The following CXADR variants were observed in gnomAD, a reference collection of about 807,000 sequenced individuals.
CXADR encodes CXADR cell adhesion molecule.
CXADR carries 20 observed loss-of-function variants against 40.3 expected under a neutral mutation model. The observed-to-expected ratio is 0.50, with a 90% CI of 0.35 to 0.72. The LOEUF (loss-of-function observed/expected upper bound fraction) is 0.72. Ranked by LOEUF, CXADR falls within the 30% of genes least tolerant of loss-of-function variation. CXADR has a pLI of 0.01. For synonymous variants in CXADR, 150 were observed against 161.3 expected (o/e 0.93, Z 0.53); for missense variants, 332 against 449.1 (o/e 0.74, Z 2.36).
the CXADR span, among the ~76,000 whole-genome samples, chr21:17,624,458 C>A: frequency 6.6e-6 from 1 of 152,152 alleles, no homozygotes; most frequent in Non-Finnish European, 1.5e-5. Flanking sequence ...TCCCAGAGGA[C>A]AATCCTTGCT....
intron 1 of CXADR, among the ~76,000 whole-genome samples, chr21:17,516,288 T>C (rs187933958): frequency 3.5e-4 from 54 of 152,348 alleles, no homozygotes; most frequent in Non-Finnish European, 6.9e-4. Flanking sequence ...CACACTATGC[T>C]CTTCTGTCCC....
intron 7 of CXADR, among the ~76,000 whole-genome samples, chr21:17,590,753 A>G (rs763548262): frequency 1.7e-4 from 26 of 152,068 alleles, no homozygotes; most frequent in Admixed American, 9.8e-4. Context: ...AGTAAGAAAA[A>G]AAAGTTAAAG....
intron 4 of CXADR, 34 bp downstream of exon 4, chr21:17,559,165 A>G (rs779031012): frequency 6.2e-7 from 1 of 1,609,460 alleles, no homozygotes. Context: ...ACCACATGCC[A>G]TTGATTTGGA....
the CXADR span, among the ~76,000 whole-genome samples, chr21:17,600,337 GTAATT>G: frequency 1.3e-5 from 2 of 152,120 alleles, no homozygotes; most frequent in African/African-American, 2.4e-5. Context: ...AGTTAGAAAT[GTAATT>G]AAAGTGATTC....
intron 7 of CXADR, among the ~76,000 whole-genome samples, chr21:17,590,397 A>AT (rs1422666739): frequency 6.6e-6 from 1 of 152,078 alleles, no homozygotes; most frequent in Non-Finnish European, 1.5e-5. Context: ...TTTTGTCCTT[A>AT]TGTTACCCTT....
chr21:17,628,684 G>A, the CXADR span, among the ~76,000 whole-genome samples: 10 of 152,244 alleles, frequency 6.6e-5, no homozygotes, highest in South Asian at 8.3e-4. Flanking sequence ...TGTATTTTTA[G>A]TAGAGATGGT....
intron 1 of CXADR, among the ~76,000 whole-genome samples, chr21:17,539,418 C>T (rs945545379): frequency 1.3e-5 from 2 of 152,196 alleles, no homozygotes; most frequent in African/African-American, 4.8e-5. Flanking sequence ...AGACTTCTTC[C>T]TGCTCTTGAA....
chr21:17,584,699 CGG>C (rs2061382737), intron 7 of CXADR, among the ~76,000 whole-genome samples: 1 of 152,034 alleles, frequency 6.6e-6, no homozygotes, highest in African/African-American at 2.4e-5. Context: ...GACATGGTGG[CGG>C]GCACCTGTAA....
At chr21:17,536,077 G>A (rs1021835018) in intron 1 of CXADR, among the ~76,000 whole-genome samples, 37 of 152,064 alleles carry the variant, frequency 2.4e-4, no homozygotes, top group Non-Finnish European at 4.0e-4. Flanking sequence ...TTGGAATGGC[G>A]CCAGATATTT....
the CXADR span, chr21:17,612,959 A>C: frequency 6.6e-6 from 1 of 151,830 alleles, no homozygotes; most frequent in Non-Finnish European, 1.5e-5. Flanking sequence ...GGGAGGGGCG[A>C]TGACCCGGGA....
chr21:17,513,469 C>T (rs1438968883), intron 1 of CXADR, among the ~76,000 whole-genome samples: 2 of 152,204 alleles, frequency 1.3e-5, no homozygotes, highest in Admixed American at 6.5e-5. Flanking sequence ...CGCAGCTCTC[C>T]CATAGCATTC....
intron 1 of CXADR, among the ~76,000 whole-genome samples, chr21:17,522,210 G>C (rs989330776): frequency 9.9e-5 from 15 of 151,506 alleles, no homozygotes; most frequent in African/African-American, 3.6e-4. Context: ...GTGCAATGGC[G>C]CGATCTCGAC....
intron 7 of CXADR, among the ~76,000 whole-genome samples, chr21:17,587,398 C>A (rs1029609767): frequency 6.6e-6 from 1 of 152,144 alleles, no homozygotes; most frequent in Non-Finnish European, 1.5e-5. Context: ...TCTCCAGCAC[C>A]TGTTGTTTCC....
exon 8 of CXADR, chr21:17,593,391 TAAA>T (rs2061460807): frequency 2.5e-6 from 1 of 392,786 alleles, no homozygotes; most frequent in Non-Finnish European, 4.4e-6. Context: ...AATTCTTTGT[TAAA>T]AAACCCTATG....
the CXADR span, among the ~76,000 whole-genome samples, chr21:17,636,095 T>C: frequency 6.6e-6 from 1 of 152,234 alleles, no homozygotes; most frequent in African/African-American, 2.4e-5. Flanking sequence ...TGATTGTTTA[T>C]TGCTAATATA....
At chr21:17,571,881 T>C (rs187622849), downstream of CXADR, among the ~76,000 whole-genome samples, 1 of 152,304 alleles carries the variant, frequency 6.6e-6, no homozygotes, top group African/African-American at 2.4e-5. Context: ...ATGCTTGATA[T>C]ACCTCCTTCA....
At chr21:17,595,499 A>T (rs948321599), downstream of CXADR, among the ~76,000 whole-genome samples, 2 of 151,980 alleles carry the variant, frequency 1.3e-5, no homozygotes, top group South Asian at 4.1e-4. Flanking sequence ...ACATCTATAC[A>T]CACTTTAAAA....
At chr21:17,527,058 G>T (rs763900942) in intron 1 of CXADR, 1 of 152,154 alleles carries the variant, frequency 6.6e-6, no homozygotes, top group African/African-American at 2.4e-5. Context: ...TTTTGCCAGA[G>T]AATTCTGAAA....
At chr21:17,575,773 TA>T (rs1228451486) in intron 7 of CXADR, among the ~76,000 whole-genome samples, 1 of 150,024 alleles carries the variant, frequency 6.7e-6, no homozygotes, top group Non-Finnish European at 1.5e-5. Flanking sequence ...GATTAATTTG[TA>T]AAATTTTTAA....
Sources: gnomAD v4.1 joint callset for allele counts (sites outside exome capture counted in the v4.1 genomes callset) on GRCh38, gnomAD v4.1.1 for gene constraint, MANE v1.5 for transcripts, NCBI Gene and HGNC (gene_info 2026-07-23, HGNC 2026-07-21) for gene names.